Variants in ZC3H14 observed in about 807,000 individuals in gnomAD.
The protein encoded by ZC3H14 is zinc finger CCCH domain-containing protein 14.
A neutral mutation model predicts 92.4 loss-of-function variants in ZC3H14; 31 were observed. The observed-to-expected ratio is 0.34, with a 90% CI of 0.25 to 0.45. The LOEUF (loss-of-function observed/expected upper bound fraction) is 0.45. Among genes scored for constraint, ZC3H14 ranks in the 20% least tolerant of loss-of-function variants. ZC3H14 has a pLI of 1.00. For missense variants in ZC3H14, 781 were observed against 897.3 expected (o/e 0.87, Z 1.66); for synonymous variants, 321 against 300.9 (o/e 1.07, Z -0.69).
intron 14 of ZC3H14, 153 bp downstream of exon 14, chr14:88,609,556 T>C: frequency 7.4e-7 from 1 of 1,349,654 alleles, no homozygotes; most frequent in Non-Finnish European, 1.0e-6. Flanking sequence ...AGTGTGCCTA[T>C]CTGTAGTATT....
intron 3 of ZC3H14, among the ~76,000 whole-genome samples, chr14:88,568,417 C>T (rs777966751): frequency 8.5e-5 from 13 of 152,218 alleles, no homozygotes; most frequent in South Asian, 2.1e-4. Flanking sequence ...GAAGCAAGCA[C>T]CTTCTTCACA....
chr14:88,608,499 A>G (rs955366548), intron 13 of ZC3H14: 2 of 273,084 alleles, frequency 7.3e-6, no homozygotes, highest in African/African-American at 4.5e-5. Flanking sequence ...TCTCCAGAGT[A>G]GCGTATTTCT....
At chr14:88,593,060 C>T (rs1395152886) in intron 9 of ZC3H14, among the ~76,000 whole-genome samples, 7 of 151,796 alleles carry the variant, frequency 4.6e-5, no homozygotes, top group East Asian at 1.9e-4. Context: ...CTCTGCCTCC[C>T]GGGTTCAAGC....
At position 88,618,400 on chromosome 14, in the gene ZC3H14, A is replaced by G. The variant is rs1045145587; in HGVS notation, c.*6649A>G. Reference sequence around the variant, plus strand: ...GAGACAAAATCCACAGGGGGTTTACAGAATACTAGCATATTGCTACTTGAT... The same window carrying G: ...GAGACAAAATCCACAGGGGGTTTACGGAATACTAGCATATTGCTACTTGAT... On this transcript the variant is annotated 3_prime_UTR_variant, in exon 17 of 17. Transcript: ENST00000251038. 2 of 1,352,696 alleles carry G rather than the reference A, an allele frequency of 1.5e-6. No individual in the cohort carries two copies. Among genetic ancestry groups the G allele is most frequent in the Non-Finnish European group, 2.1e-6 (2 of 952,460 alleles). The allele number at this position is 1,352,696 out of a possible 1,614,324, so 83.8% of individuals were successfully genotyped here. A position where few individuals can be genotyped will look rare whatever the true frequency, so the allele number is the denominator to read the frequency against.
In ZC3H14 at chr14:88,627,392, G is replaced by C; in HGVS notation, c.*15641G>C. The C allele has an allele frequency of 2.1e-6, 1 of 482,096 alleles. No homozygotes were observed. Among genetic ancestry groups the C allele is most frequent in the Non-Finnish European group, 3.6e-6 (1 of 274,218 alleles). 29.9% of individuals were successfully genotyped at this position (482,096 alleles called of 1,614,324 possible). A position where few individuals can be genotyped will look rare whatever the true frequency, so the allele number is the denominator to read the frequency against. ...ATTAATAATAAATACATAGTTTCTT[G>C]CTGGAAGAAAATAGCAGTGAATCAT... On this transcript the variant is annotated 3_prime_UTR_variant, in exon 17 of 17. Coordinates refer to ENST00000251038, the MANE Select transcript of ZC3H14 (RefSeq NM_024824.5).
At position 88,625,044 on chromosome 14, in the gene ZC3H14, A is replaced by G; in HGVS notation, c.*13293A>G. ...ACATGGCAAACACAGGCCCGTTGTGAGCTCTCGCCACGATTCTACACAATA... is the reference window on the plus strand; with the variant it reads ...ACATGGCAAACACAGGCCCGTTGTGGGCTCTCGCCACGATTCTACACAATA... On this transcript the variant is annotated 3_prime_UTR_variant, in exon 17 of 17. Coordinates refer to ENST00000251038, the MANE Select transcript of ZC3H14 (RefSeq NM_024824.5). 6.2e-7 allele frequency: 1 copy of G among 1,613,276 alleles called. No homozygotes were observed. The highest frequency in any genetic ancestry group is 8.5e-7 in the Non-Finnish European group (1 of 1,179,652).
Position 88,625,378 on chromosome 14 carries a change from C to T in ZC3H14, c.*13627C>T, listed in dbSNP as rs918047208. ...CTTAGACAATTCTTCCCTTCCAATT[C>T]TAACATACTATAATTCTAGGGTTTA... On this transcript the variant is annotated 3_prime_UTR_variant, in exon 17 of 17. Coordinates refer to ENST00000251038, the MANE Select transcript of ZC3H14 (RefSeq NM_024824.5). The T allele has an allele frequency of 9.7e-6, 4 of 414,066 alleles. No homozygotes were observed. Among genetic ancestry groups the T allele is most frequent in the African/African-American group, 8.2e-5 (4 of 48,490 alleles). 25.6% of individuals were successfully genotyped at this position (414,066 alleles called of 1,614,324 possible).
chr14:88,602,516 A>C (rs1341787870), intron 11 of ZC3H14, among the ~76,000 whole-genome samples: 1 of 152,194 alleles, frequency 6.6e-6, no homozygotes, highest in Non-Finnish European at 1.5e-5. Flanking sequence ...CTGAGCATTG[A>C]TGCTAATTTT....
Position 88,622,803 on chromosome 14 carries a change from A to G in ZC3H14, c.*11052A>G. On this transcript the variant is annotated 3_prime_UTR_variant, in exon 17 of 17. Coordinates refer to ENST00000251038, the MANE Select transcript of ZC3H14 (RefSeq NM_024824.5). ...AAACAAATACCAAGTTATAAGCAGA[A>G]TCTTTTTTTTTTAAAAAGGCCCTGA... The G allele has an allele frequency of 1.3e-6, 1 of 791,074 alleles. No homozygotes were observed. Among genetic ancestry groups the G allele is most frequent in the Non-Finnish European group, 1.7e-6 (1 of 587,946 alleles). The allele number at this position is 791,074 out of a possible 1,614,324, so 49.0% of individuals were successfully genotyped here.
chr14:88,582,066 A>C (rs769524201), intron 9 of ZC3H14, among the ~76,000 whole-genome samples: 4 of 152,254 alleles, frequency 2.6e-5, no homozygotes, highest in Non-Finnish European at 4.4e-5. Flanking sequence ...GAATAGTTGC[A>C]ACAGACCATA....
chr14:88,611,240 C>CTCCCACT (rs11268925), intron 16 of ZC3H14, among the ~76,000 whole-genome samples: 4 of 151,992 alleles, frequency 2.6e-5, no homozygotes, highest in Non-Finnish European at 5.9e-5. Flanking sequence ...ATCCTCCCAC[C>CTCCCACT]TGTAGCTGAG....
At chr14:88,584,065 CAA>C (rs1217192761) in intron 9 of ZC3H14, among the ~76,000 whole-genome samples, 3 of 87,758 alleles carry the variant, frequency 3.4e-5, no homozygotes, top group East Asian at 2.4e-4. Flanking sequence ...TGACCCTCTG[CAA>C]AAAAGATGTT....
rs2087558395 is a variant in ZC3H14 at position 88,616,053 on chromosome 14, T to C, written c.*4302T>C. 5 of 1,384,682 alleles carry C rather than the reference T, an allele frequency of 3.6e-6. No homozygotes were observed. The East Asian group carries it at 1.2e-4, about 34-fold the overall frequency. 85.8% of individuals were successfully genotyped at this position (1,384,682 alleles called of 1,614,324 possible). On this transcript the variant is annotated 3_prime_UTR_variant, in exon 17 of 17. Transcript: ENST00000251038. The stretch of plus-strand genomic sequence containing the variant: ...CCTTCTACTAATGTTGACTAGCTGA[T>C]TTCATAAACCAAAGCTGTAGGAGTT...
intron 9 of ZC3H14, chr14:88,594,582 AT>A: frequency 2.0e-6 from 3 of 1,518,708 alleles, no homozygotes; most frequent in Non-Finnish European, 2.6e-6. Context: ...TTAAGATGTT[AT>A]TTGCTCTTAA....
At position 88,620,588 on chromosome 14, in the gene ZC3H14, A is replaced by G. The variant is rs760011614; in HGVS notation, c.*8837A>G. 6.3e-5 allele frequency: 33 copies of G among 525,516 alleles called. No homozygotes were observed. The highest frequency in any genetic ancestry group is 9.3e-5 in the Non-Finnish European group (30 of 323,134). The allele number at this position is 525,516 out of a possible 1,614,324, so 32.6% of individuals were successfully genotyped here. A position where few individuals can be genotyped will look rare whatever the true frequency, so the allele number is the denominator to read the frequency against. ...CCCAGTGGGTTTATAATTTAGCAAGAAGAATTAAGTAGTATACAAACAGCC... is the reference window on the plus strand; with the variant it reads ...CCCAGTGGGTTTATAATTTAGCAAGGAGAATTAAGTAGTATACAAACAGCC... On this transcript the variant is annotated 3_prime_UTR_variant, in exon 17 of 17. Transcript: ENST00000251038. The surrounding 1 kb of genome is among the most constrained non-coding windows in gnomAD (Gnocchi z 4.3).
intron 2 of ZC3H14, among the ~76,000 whole-genome samples, chr14:88,566,028 GCC>G (rs1161358992): frequency 0.011 from 31 of 2,710 alleles, 4 homozygotes; most frequent in Non-Finnish European, 0.025. Context: ...CCACCACCCC[GCC>G]CCCCCCCCCC....
In ZC3H14 at chr14:88,621,084, C is replaced by T. The variant is rs763967374; in HGVS notation, c.*9333C>T. 6.3e-7 allele frequency: 1 copy of T among 1,594,278 alleles called. No individual in the cohort carries two copies. The highest frequency in any genetic ancestry group is 1.8e-5 in the Admixed American group (1 of 56,448). On this transcript the variant is annotated 3_prime_UTR_variant, in exon 17 of 17. Coordinates refer to ENST00000251038, the MANE Select transcript of ZC3H14 (RefSeq NM_024824.5). Reference sequence around the variant, plus strand: ...CAACTTTTCTTTTTAGAAGTTGTAACCTCTTTTAAAAAAATTATCTGTACT... The same window carrying T: ...CAACTTTTCTTTTTAGAAGTTGTAATCTCTTTTAAAAAAATTATCTGTACT...
rs527408145 is a variant in ZC3H14 at position 88,563,425 on chromosome 14, G to C, written c.37-226G>C. 5.7e-5 allele frequency: 82 copies of C among 1,428,388 alleles called. 1 individual carries two copies. In the South Asian group the frequency reaches 1.1e-3, roughly 19 times the overall value. The allele number at this position is 1,428,388 out of a possible 1,614,324, so 88.5% of individuals were successfully genotyped here. On this transcript the variant is annotated intron_variant, in intron 1 of 16. Coordinates refer to ENST00000251038, the MANE Select transcript of ZC3H14 (RefSeq NM_024824.5). ...GCCCGGCTGGAGCCACCACCGCGGC[G>C]CACGGCGCCGCTTTGGATCCGCTGC...
Position 88,627,173 on chromosome 14 carries a change from C to T in ZC3H14, c.*15422C>T. On this transcript the variant is annotated 3_prime_UTR_variant, in exon 17 of 17. Coordinates refer to ENST00000251038, the MANE Select transcript of ZC3H14 (RefSeq NM_024824.5). ...AGAAGAGAGGCCAATGGCCCCTGCT[C>T]TACTACCTAGCAATACATGATTTAC... is the stretch of plus-strand genomic sequence containing the variant. 1.2e-6 allele frequency: 1 copy of T among 825,984 alleles called. No individual in the cohort carries two copies. Among genetic ancestry groups the T allele is most frequent in the South Asian group, 1.6e-5 (1 of 61,742 alleles). 51.2% of individuals were successfully genotyped at this position (825,984 alleles called of 1,614,324 possible).
Sources: allele counts gnomAD v4.1 joint callset (sites outside exome capture counted in the v4.1 genomes callset), GRCh38; gene constraint gnomAD v4.1.1; non-coding constraint Gnocchi (gnomAD v3.1); transcripts MANE v1.5; gene names NCBI Gene and HGNC (gene_info 2026-07-23, HGNC 2026-07-21).